The following HDC variants were observed in gnomAD, a reference collection of about 807,000 sequenced individuals.
HDC encodes the protein histidine decarboxylase.
HDC carries 27 observed loss-of-function variants against 64.4 expected under a neutral mutation model. That is an observed-to-expected ratio of 0.42 (90% CI 0.31 to 0.58). The LOEUF is 0.58. HDC is among the 20% of genes least tolerant of loss of function. The pLI, the probability that HDC is intolerant of heterozygous loss-of-function variation, is 0.16. For synonymous variants in HDC, 305 were observed against 314.2 expected (o/e 0.97, Z 0.31); for missense variants, 711 against 833.9 (o/e 0.85, Z 1.81).
At chr15:50,258,927 G>A (rs940878661) in intron 2 of HDC, among the ~76,000 whole-genome samples, 6 of 152,032 alleles carry the variant, frequency 3.9e-5, no homozygotes, top group Admixed American at 2.6e-4. Context: ...TTGGGAGGCC[G>A]AGGCAGGTGG....
chr15:50,262,593 A>G (rs1055165772), intron 2 of HDC, among the ~76,000 whole-genome samples: 4 of 152,172 alleles, frequency 2.6e-5, no homozygotes, highest in Admixed American at 2.0e-4. Context: ...CACCAGCACT[A>G]TCCCAGGCTG....
At chr15:50,245,701 C>T (rs554806458) in intron 10 of HDC, among the ~76,000 whole-genome samples, 4 of 152,038 alleles carry the variant, frequency 2.6e-5, no homozygotes, top group African/African-American at 9.7e-5. Flanking sequence ...GTGAGAACAA[C>T]CTGGGCAACA....
Position 50,248,321 on chromosome 15 carries a change from C to T in HDC, c.1064G>A (p.Arg355Gln). Residue 355 changes from arginine to glutamine, a missense_variant, in exon 10 of 12, where the codon CGA (arginine) becomes CAA (glutamine). Coordinates refer to ENST00000267845, the MANE Select transcript of HDC (RefSeq NM_002112.4). The surrounding 1 kb of genome is among the most constrained non-coding windows in gnomAD (Gnocchi z 4.3). The part of the protein sequence containing the change: ...DFMHWQIPLS[R>Q]RFRSVKLWFV... The stretch of plus-strand genomic sequence containing the variant: ...CCAGAGTTTAACAGAGCGAAACCGT[C>T]GGCTCAGGGGGATCTGCCAGTGCTA... 1.9e-6 allele frequency: 3 copies of T among 1,613,964 alleles called. No homozygotes were observed. Among genetic ancestry groups the T allele is most frequent in the East Asian group, 2.2e-5 (1 of 44,882 alleles).
intron 1 of HDC, among the ~76,000 whole-genome samples, chr15:50,264,887 C>T (rs538572131): frequency 1.3e-5 from 2 of 152,306 alleles, no homozygotes; most frequent in African/African-American, 4.8e-5. Flanking sequence ...AGGAACAGTG[C>T]TAAATGTATT....
At position 50,248,277 on chromosome 15, in the gene HDC, C is replaced by T. The variant is rs1238584722; in HGVS notation, c.1108G>A (p.Gly370Arg). Residue 370 changes from glycine (G) to arginine (R), a missense_variant, in exon 10 of 12, where the codon GGG (glycine) becomes AGG (arginine). Physicochemically the swap from Gly to Arg is moderately radical, Grantham distance 125. Transcript: ENST00000267845. The surrounding 1 kb of genome is among the most constrained non-coding windows in gnomAD (Gnocchi z 4.3). ...ACATGTGCTTGAAGATTCTTCACCC[C>T]GAAGGACCGAATCACGAACCAGAGT... ...VKLWFVIRSF[G>R]VKNLQAHVRH... 1.9e-6 allele frequency: 3 copies of T among 1,613,992 alleles called. No individual in the cohort carries two copies. Among genetic ancestry groups the T allele is most frequent in the Non-Finnish European group, 2.5e-6 (3 of 1,179,834 alleles).
chr15:50,242,337 T>C lies in HDC; in HGVS notation c.1912A>G (p.Ser638Gly). 1 of 1,614,156 alleles carries C rather than the reference T, an allele frequency of 6.2e-7. No homozygotes were observed. Among genetic ancestry groups the C allele is most frequent in the Non-Finnish European group, 8.5e-7 (1 of 1,180,020 alleles). ...SAFKKLIKFYSVPSFPECSSQ... is the reference protein window; with the variant it reads ...SAFKKLIKFYGVPSFPECSSQ... ...CTGCATTCAGGAAAGCTGGGGACGC[T>C]GTAGAATTTGATGAGTTTTTTGAAG... Residue 638 changes from serine to glycine, a missense_variant, in exon 12 of 12, where the codon AGC (serine) becomes GGC (glycine). Physicochemically the swap from Ser to Gly is moderately conservative, Grantham distance 56. Coordinates refer to ENST00000267845, the MANE Select transcript of HDC (RefSeq NM_002112.4).
chr15:50,242,966 G>A lies in HDC; in HGVS notation c.1283C>T (p.Ala428Val). ...GATGAGGAAGAGACGGCCAGCTTTA[G>A]CTATTTCCTTTAACACATTTTCTGT... Reference protein sequence around the residue: ...CLTENVLKEIAKAGRLFLIPA... With the variant: ...CLTENVLKEIVKAGRLFLIPA... Residue 428 changes from alanine to valine, a missense_variant, in exon 12 of 12, where the codon GCT (alanine) becomes GTT (valine). Physicochemically the swap from Ala to Val is moderately conservative, Grantham distance 64. This residue lies in a region of HDC where 483 missense variants were observed against 540.9 expected (regional missense o/e 0.89). Coordinates refer to ENST00000267845, the MANE Select transcript of HDC (RefSeq NM_002112.4). 1.2e-6 allele frequency: 2 copies of A among 1,614,016 alleles called. No individual in the cohort carries two copies. Among genetic ancestry groups the A allele is most frequent in the Non-Finnish European group, 1.7e-6 (2 of 1,179,966 alleles).
intron 10 of HDC, among the ~76,000 whole-genome samples, chr15:50,247,114 G>A (rs904972864): frequency 6.6e-5 from 10 of 152,134 alleles, no homozygotes; most frequent in Non-Finnish European, 1.2e-4. Context: ...AGGGAATGGG[G>A]GATAAAGAGG....
In HDC at chr15:50,242,917, T is replaced by TAA. The variant is rs2045421672; in HGVS notation, c.1330_1331dup (p.Leu444PhefsTer2). The TAA allele has an allele frequency of 5.0e-6, 8 of 1,614,016 alleles. No homozygotes were observed. The highest frequency in any genetic ancestry group is 6.8e-6 in the Non-Finnish European group (8 of 1,180,016). On this transcript the variant is annotated frameshift_variant, in exon 12 of 12. Coordinates refer to ENST00000267845, the MANE Select transcript of HDC (RefSeq NM_002112.4). LOFTEE classifies it high-confidence loss of function. ...GGGATGTCACAGTGAAACGGATGAT[T>TAA]AACTTGTCCTGGATAGTGGCCGGGA...
chr15:50,262,684 A>C (rs550633993), intron 2 of HDC, among the ~76,000 whole-genome samples: 33 of 152,290 alleles, frequency 2.2e-4, no homozygotes, highest in African/African-American at 7.9e-4. Context: ...ACCAGACCTC[A>C]GAGGGGACAG....
At position 50,242,738 on chromosome 15, in the gene HDC, G is replaced by A. The variant is rs750738762; in HGVS notation, c.1511C>T (p.Thr504Met). The A allele has an allele frequency of 6.3e-5, 101 of 1,613,900 alleles. No individual in the cohort carries two copies. In the South Asian group the frequency reaches 8.7e-4, roughly 14 times the overall value. The change falls in exon 12 of 12, where the codon ACG becomes ATG. Residue 504 changes from threonine to methionine, a missense_variant. Thr to Met is a moderately conservative substitution (Grantham distance 81). Coordinates refer to ENST00000267845, the MANE Select transcript of HDC (RefSeq NM_002112.4). ...TGCCCCACTGACAGACTGAAGGGAC[G>A]TTCCACAGGCCCAGGCTCTGGCACC... ...IRGARAWACG[T>M]SLQSVSGAGD...
chr15:50,256,419 T>C (rs2045632489), intron 4 of HDC, among the ~76,000 whole-genome samples: 1 of 152,170 alleles, frequency 6.6e-6, no homozygotes, highest in Non-Finnish European at 1.5e-5. Context: ...GACAAGGTCT[T>C]ACACTGTCGC....
chr15:50,243,638 C>T (rs768202292), intron 10 of HDC, among the ~76,000 whole-genome samples: 1 of 152,350 alleles, frequency 6.6e-6, no homozygotes. Context: ...GTGCCTCATG[C>T]GAGCTGCGTG....
At position 50,254,609 on chromosome 15, in the gene HDC, AT is replaced by A; in HGVS notation, c.496del (p.Ile166SerfsTer4). 1 of 1,614,142 alleles carries A rather than the reference AT, an allele frequency of 6.2e-7. No individual in the cohort carries two copies. Among genetic ancestry groups the A allele is most frequent in the Non-Finnish European group, 8.5e-7 (1 of 1,180,016 alleles). ...GGGCTCAGACGTTTTCATTTCCAGG[AT>A]TTTGTTCTTCCTTGCTGCCAGCAGG... ...IALLAARKNK[I>X]LEMKTSEPDA... On this transcript the variant is annotated frameshift_variant, in exon 5 of 12. Transcript: ENST00000267845. LOFTEE classifies it high-confidence loss of function.
At chr15:50,243,351 C>G in intron 10 of HDC, 107 bp from the exon 11 acceptor site, 1 of 803,740 alleles carries the variant, frequency 1.2e-6, no homozygotes, top group Non-Finnish European at 2.2e-6. Flanking sequence ...CTTCCCGTCA[C>G]AGCCGTTGTA....
Position 50,243,013 on chromosome 15 carries a change from G to A in HDC, c.1243-7C>T. ...CTGTGAGACAATTAGGACCCTGTTT[G>A]AAAAATAAAGGAAGTGAAGTCTCCA... On this transcript the variant is annotated splice_region_variant and splice_polypyrimidine_tract_variant and intron_variant, in intron 11 of 11. Coordinates refer to ENST00000267845, the MANE Select transcript of HDC (RefSeq NM_002112.4). 1 of 1,614,034 alleles carries A rather than the reference G, an allele frequency of 6.2e-7. No homozygotes were observed. Among genetic ancestry groups the A allele is most frequent in the Non-Finnish European group, 8.5e-7 (1 of 1,180,010 alleles).
intron 4 of HDC, among the ~76,000 whole-genome samples, chr15:50,255,501 T>C (rs1413314539): frequency 6.6e-6 from 1 of 152,068 alleles, no homozygotes; most frequent in Non-Finnish European, 1.5e-5. Flanking sequence ...TGTAAAGAAG[T>C]ATGTAGCATA....
intron 2 of HDC, among the ~76,000 whole-genome samples, chr15:50,261,774 A>G (rs1474433774): frequency 1.3e-5 from 2 of 148,184 alleles, no homozygotes; most frequent in South Asian, 2.1e-4. Context: ...CAACGGCGCT[A>G]TCTCAGCTCA....
chr15:50,263,293 T>C lies in HDC; in HGVS notation c.146A>G (p.Glu49Gly), dbSNP rs2045728114. 6.2e-7 allele frequency: 1 copy of C among 1,614,062 alleles called. No individual in the cohort carries two copies. Among genetic ancestry groups the C allele is most frequent in the Non-Finnish European group, 8.5e-7 (1 of 1,180,028 alleles). ...GATGCTGTCCCAGCTGTCGGGGTCC[T>C]CAGGAGCACTCTCAGGCAGCTGGGC... ...LRAQLPESAP[E>G]DPDSWDSIFG... The change falls in exon 2 of 12, where the codon GAG becomes GGG. Residue 49 changes from glutamate (E) to glycine (G), a missense_variant. Around this residue, in one of 3 missense-constraint regions of HDC, gnomAD observed 225 missense variants for 276.2 expected, o/e 0.81. Coordinates refer to ENST00000267845, the MANE Select transcript of HDC (RefSeq NM_002112.4).
Sources: allele counts gnomAD v4.1 joint callset (sites outside exome capture counted in the v4.1 genomes callset), GRCh38; gene constraint gnomAD v4.1.1; regional missense constraint gnomAD v4.1.1; non-coding constraint Gnocchi (gnomAD v3.1); transcripts MANE v1.5; gene names NCBI Gene and HGNC (gene_info 2026-07-23, HGNC 2026-07-21).